Variants in EIPR1 observed in about 807,000 individuals in gnomAD.
The protein encoded by EIPR1 is EARP complex and GARP complex interacting protein 1, also known as EARP and GARP complex-interacting protein 1.
EIPR1 carries 25 observed loss-of-function variants against 48.1 expected under a neutral mutation model. The ratio of observed to expected loss-of-function variants is 0.52; its 90% confidence interval spans 0.38 to 0.73. The LOEUF is 0.73. EIPR1 is among the 30% of genes least tolerant of loss of function. The probability of loss-of-function intolerance (pLI) is 0.00; values close to 1 mark genes in which losing one functional copy is unlikely to be tolerated. For synonymous variants in EIPR1, 204 were observed against 201.9 expected (o/e 1.01, Z -0.09); for missense variants, 415 against 506.2 (o/e 0.82, Z 1.73).
intron 3 of EIPR1, among the ~76,000 whole-genome samples, chr2:3,304,261 G>A (rs942133217): frequency 6.6e-6 from 1 of 152,200 alleles, no homozygotes; most frequent in African/African-American, 2.4e-5. Flanking sequence ...AGTTGAGATG[G>A]CCAGGGCTGA....
At chr2:3,236,990 C>T (rs571979878) in intron 4 of EIPR1, among the ~76,000 whole-genome samples, 97 of 152,214 alleles carry the variant, frequency 6.4e-4, no homozygotes, top group African/African-American at 1.9e-3. Context: ...TGTTAACACA[C>T]GAGAAAAACA....
intron 3 of EIPR1, among the ~76,000 whole-genome samples, chr2:3,313,498 C>T (rs1299424760): frequency 6.6e-6 from 1 of 152,138 alleles, no homozygotes; most frequent in Non-Finnish European, 1.5e-5. Flanking sequence ...GGTGAATGGG[C>T]ACTGAACACT....
chr2:3,238,380 G>T (rs887425587), intron 4 of EIPR1, among the ~76,000 whole-genome samples: 1 of 152,218 alleles, frequency 6.6e-6, no homozygotes, highest in Admixed American at 6.5e-5. Context: ...AGAGCCGCGG[G>T]AGGTCCTGTC....
chr2:3,306,518 T>C (rs183353495), intron 3 of EIPR1, among the ~76,000 whole-genome samples: 2 of 152,330 alleles, frequency 1.3e-5, no homozygotes, highest in East Asian at 3.9e-4. Context: ...CCCAAAAACT[T>C]AACTACTAAT....
chr2:3,214,370 A>G, intron 4 of EIPR1, 122 bp from the exon 5 acceptor site: 2 of 849,814 alleles, frequency 2.4e-6, no homozygotes, highest in Non-Finnish European at 3.7e-6. Context: ...TAGTCACTAG[A>G]GTATTTTTTA....
intron 4 of EIPR1, 144 bp downstream of exon 4, chr2:3,257,155 A>G (rs183455071): frequency 6.8e-5 from 72 of 1,064,810 alleles, no homozygotes; most frequent in Non-Finnish European, 5.1e-5. Context: ...GACTAAAATT[A>G]AAAATCAAAT....
rs908367540 is a variant in EIPR1, at chr2:3,204,827, C to T, written c.517-7810G>A. Among the ~76,000 whole-genome samples, 4 of 152,142 alleles carry T rather than the reference C, an allele frequency of 2.6e-5. 1 individual carries two copies. The highest frequency in any genetic ancestry group is 2.9e-5 in the Non-Finnish European group (2 of 68,038). ...GAAAACTACAGAGAACACAGCACTG[C>T]GCTCACAGCAGACCCTACTACATGC... On this transcript the variant is annotated intron_variant, in intron 5 of 8. Coordinates refer to ENST00000382125, the MANE Select transcript of EIPR1 (RefSeq NM_003310.5).
chr2:3,343,115 C>T (rs535796790), intron 2 of EIPR1, among the ~76,000 whole-genome samples: 8 of 152,316 alleles, frequency 5.3e-5, no homozygotes, highest in South Asian at 4.1e-4. Context: ...CAGTTAGACA[C>T]GGCACAGCCA....
intron 4 of EIPR1, among the ~76,000 whole-genome samples, chr2:3,237,046 C>T (rs1423811098): frequency 4.6e-5 from 7 of 152,116 alleles, no homozygotes; most frequent in African/African-American, 1.7e-4. Flanking sequence ...GCAGCCGCCA[C>T]AGCTCCTCAC....
intron 4 of EIPR1, among the ~76,000 whole-genome samples, chr2:3,224,497 G>A (rs536907956): frequency 2.0e-5 from 3 of 152,272 alleles, no homozygotes; most frequent in African/African-American, 7.2e-5. Context: ...AGGACCAGAG[G>A]TGCCTGACTG....
At chr2:3,303,449 A>G (rs1010302851) in intron 3 of EIPR1, among the ~76,000 whole-genome samples, 1 of 152,188 alleles carries the variant, frequency 6.6e-6, no homozygotes, top group Non-Finnish European at 1.5e-5. Context: ...CCTGGAAGTC[A>G]CCGGCACTGC....
chr2:3,338,042 A>G lies in EIPR1; in HGVS notation c.234T>C (p.Gly78=), dbSNP rs767089018. Residue 78 remains glycine, a synonymous_variant, in exon 3 of 9, where the codon GGT becomes GGC. Transcript: ENST00000382125. Reference sequence around the variant, plus strand: ...TTCTGTTGTAGCAGGTCGTCAGCACACCTCTGTCTGCAGGGCTAGCGCTAA... The same window carrying G: ...TTCTGTTGTAGCAGGTCGTCAGCACGCCTCTGTCTGCAGGGCTAGCGCTAA... ...WHISASPADR[G]VLTTCYNRTS... is the part of the protein sequence containing the mutation. The G allele has an allele frequency of 1.2e-6, 2 of 1,605,938 alleles. No individual in the cohort carries two copies. The highest frequency in any genetic ancestry group is 2.2e-5 in the East Asian group (1 of 44,754).
rs192637067 is a variant in EIPR1 at position 3,341,960 on chromosome 2, T to C, written c.127-3811A>G. Among the ~76,000 whole-genome samples, 298 of 152,290 alleles carry C rather than the reference T, an allele frequency of 2.0e-3. 4 individuals carry two copies. Among genetic ancestry groups the C allele is most frequent in the Admixed American group, 0.018 (283 of 15,300 alleles). Reference sequence around the variant, plus strand: ...GAGAATTTCATCATACTAATTAATATTTATTATATTAGCCAACTTTTTCTA... The same window carrying C: ...GAGAATTTCATCATACTAATTAATACTTATTATATTAGCCAACTTTTTCTA... On this transcript the variant is annotated intron_variant, in intron 2 of 8. Transcript: ENST00000382125.
intron 5 of EIPR1, among the ~76,000 whole-genome samples, chr2:3,209,129 C>G (rs913173344): frequency 2.0e-5 from 3 of 152,186 alleles, no homozygotes; most frequent in Admixed American, 6.5e-5. Context: ...GGACACTGCA[C>G]ATACAACAGA....
intron 3 of EIPR1, among the ~76,000 whole-genome samples, chr2:3,306,644 T>C (rs773247956): frequency 9.2e-5 from 14 of 152,232 alleles, no homozygotes; most frequent in Non-Finnish European, 1.9e-4. Flanking sequence ...AAGAAAACAT[T>C]TTTAGGAAGA....
intron 4 of EIPR1, among the ~76,000 whole-genome samples, chr2:3,241,284 C>T (rs1666617641): frequency 6.6e-6 from 1 of 152,204 alleles, no homozygotes; most frequent in Non-Finnish European, 1.5e-5. Context: ...TCCATGGGGG[C>T]CCAACTGCCA....
intron 2 of EIPR1, among the ~76,000 whole-genome samples, chr2:3,345,052 A>G (rs1274417933): frequency 6.6e-6 from 1 of 152,146 alleles, no homozygotes; most frequent in Non-Finnish European, 1.5e-5. Flanking sequence ...AAGACTCCAC[A>G]TTCCAGAAGC....
intron 1 of EIPR1, among the ~76,000 whole-genome samples, chr2:3,367,913 C>T (rs1318876507): frequency 1.3e-5 from 2 of 152,034 alleles, no homozygotes; most frequent in African/African-American, 4.8e-5. Flanking sequence ...GGCGCGGTGG[C>T]AGGCGCCTGT....
intron 3 of EIPR1, among the ~76,000 whole-genome samples, chr2:3,266,232 G>A (rs1238985306): frequency 2.0e-5 from 3 of 152,240 alleles, no homozygotes; most frequent in Admixed American, 6.5e-5. Flanking sequence ...CTGATCCCCA[G>A]CTGGAGGAGG....
Sources: allele counts gnomAD v4.1 joint callset (sites outside exome capture counted in the v4.1 genomes callset), GRCh38; gene constraint gnomAD v4.1.1; transcripts MANE v1.5; gene names NCBI Gene and HGNC (gene_info 2026-07-23, HGNC 2026-07-21).